The following NBPF15 variants were observed in gnomAD, a reference collection of about 807,000 sequenced individuals.
NBPF15 encodes the protein NBPF member 15.
Under a neutral mutation model 62.2 loss-of-function variants are expected in NBPF15, and 74 were observed. That is an observed-to-expected ratio of 1.19 (90% CI 0.99 to 1.44). NBPF15 has a LOEUF of 1.44. Ranked by LOEUF, NBPF15 falls within the 40% of genes most tolerant of loss-of-function variation. The probability of loss-of-function intolerance (pLI) is 0.00; values close to 1 mark genes in which losing one functional copy is unlikely to be tolerated. For missense variants in NBPF15, 790 were observed against 550.0 expected, an observed-to-expected ratio of 1.44 and a Z score of -4.36; for synonymous variants, 244 against 209.7, an observed-to-expected ratio of 1.16 and a Z score of -1.41.
intron 6 of NBPF15, chr1:144,440,499 C>T (rs1681971623): frequency 2.3e-6 from 1 of 430,490 alleles, no homozygotes; most frequent in Non-Finnish European, 4.1e-6. Flanking sequence ...TTTCCCAATA[C>T]ATCTAAGCAT....
In NBPF15 at chr1:144,423,018, G is replaced by T. The variant is rs782567293; in HGVS notation, c.2008C>A (p.Gln670Lys). Residue 670 changes from glutamine (Q) to lysine (K), a missense_variant, in exon 22 of 22, where the codon CAA becomes AAA. By Grantham distance (53) the Gln-to-Lys change is moderately conservative. Transcript: ENST00000581897. ...LVFQMGVIFPQ is the reference protein window; with the variant it reads ...LVFQMGVIFPK Reference sequence around the variant, plus strand: ...CTCGGCTTAGTAAGAGCTGCTTATTGTGGGAATATGACTCCCATCTGGAAC... The same window carrying T: ...CTCGGCTTAGTAAGAGCTGCTTATTTTGGGAATATGACTCCCATCTGGAAC... 6.2e-6 allele frequency: 10 copies of T among 1,611,626 alleles called. No homozygotes were observed. The East Asian group carries it at 1.8e-4, about 29-fold the overall frequency.
chr1:144,435,236 C>T lies in NBPF15; in HGVS notation c.647G>A (p.Gly216Asp), dbSNP rs1291894984. The part of the protein sequence containing the change: ...ECAITCSNSH[G>D]PYDSNQPHKK... ...ATGTGGCTGGTTGGAGTCATAAGGG[C>T]CATGGCTATTTGAACAAGTGATGGC... Residue 216 changes from glycine to aspartate, a missense_variant, in exon 12 of 22, where the codon GGC becomes GAC. Coordinates refer to ENST00000581897, the MANE Select transcript of NBPF15 (RefSeq NM_001385408.1). 15 of 1,612,736 alleles carry T rather than the reference C, an allele frequency of 9.3e-6. No individual in the cohort carries two copies. Among genetic ancestry groups the T allele is most frequent in the African/African-American group, 5.3e-5 (4 of 74,810 alleles).
chr1:144,442,317 T>TATATATATATACACGTGTATATA (rs1553542961), intron 6 of NBPF15, among the ~76,000 whole-genome samples: 1 of 128,246 alleles, frequency 7.8e-6, no homozygotes, highest in African/African-American at 3.1e-5. Flanking sequence ...CGTGTATATA[T>TATATATATATACACGTGTATATA]TATATATATA....
chr1:144,438,855 C>A (rs1435555952), intron 8 of NBPF15, among the ~76,000 whole-genome samples: 1 of 151,886 alleles, frequency 6.6e-6, no homozygotes, highest in Non-Finnish European at 1.5e-5. Flanking sequence ...CTGTACACTG[C>A]ACTGTTATCT....
At chr1:144,432,424 T>C (rs28780721) in intron 13 of NBPF15, among the ~76,000 whole-genome samples, 3 of 152,096 alleles carry the variant, frequency 2.0e-5, no homozygotes, top group Admixed American at 6.6e-5. Context: ...AACCAGCTAA[T>C]ATCATAATGA....
intron 1 of NBPF15, among the ~76,000 whole-genome samples, 190 bp downstream of exon 1, chr1:144,461,191 C>T (rs1279877324): frequency 1.3e-5 from 2 of 152,050 alleles, no homozygotes; most frequent in Non-Finnish European, 1.5e-5. Flanking sequence ...CGAGTTTCTT[C>T]CCCAGCGCCC....
intron 5 of NBPF15, among the ~76,000 whole-genome samples, chr1:144,449,475 GATAC>G (rs1246404766): frequency 1.3e-5 from 2 of 149,962 alleles, no homozygotes; most frequent in Non-Finnish European, 3.0e-5. Flanking sequence ...AATAAACTGT[GATAC>G]ATTCATTCCA....
intron 3 of NBPF15, among the ~76,000 whole-genome samples, chr1:144,458,349 A>C (rs587741349): frequency 6.6e-6 from 1 of 151,856 alleles, no homozygotes; most frequent in Admixed American, 6.6e-5. Context: ...ATAACATCTA[A>C]TTCAAGTCAC....
At chr1:144,441,603 C>T (rs1170447052) in intron 6 of NBPF15, among the ~76,000 whole-genome samples, 1 of 148,736 alleles carries the variant, frequency 6.7e-6, no homozygotes, top group Non-Finnish European at 1.5e-5. Flanking sequence ...AGTTGTTAAA[C>T]AACAACATAA....
At chr1:144,432,183 C>A (rs1224686648) in intron 13 of NBPF15, among the ~76,000 whole-genome samples, 1 of 151,996 alleles carries the variant, frequency 6.6e-6, no homozygotes, top group Admixed American at 6.6e-5. Flanking sequence ...GAATTTTCAA[C>A]CCAGAATTTC....
Position 144,423,184 on chromosome 1 carries a change from A to G in NBPF15, c.1842T>C (p.Thr614=), listed in dbSNP as rs782197550. Residue 614 remains threonine (T), a synonymous_variant, in exon 22 of 22, where the codon ACT becomes ACC. Coordinates refer to ENST00000581897, the MANE Select transcript of NBPF15 (RefSeq NM_001385408.1). ...LQDSLDRCYS[T]PSMYFEQPDS... The stretch of plus-strand genomic sequence containing the variant: ...CAGGTTGTTCAAAGTACATTGACGG[A>G]GTCGAATAACATCTATCCAGTGAGT... The G allele has an allele frequency of 2.5e-6, 4 of 1,611,598 alleles. No homozygotes were observed. The highest frequency in any genetic ancestry group is 2.2e-5 in the South Asian group (2 of 90,974).
intron 14 of NBPF15, among the ~76,000 whole-genome samples, chr1:144,429,474 T>C: frequency 6.6e-6 from 1 of 150,724 alleles, no homozygotes; most frequent in Non-Finnish European, 1.5e-5. Context: ...TCAGTCCAGG[T>C]TGGCACGGGC....
chr1:144,426,171 T>A, intron 18 of NBPF15, 107 bp downstream of exon 18: 1 of 651,606 alleles, frequency 1.5e-6, no homozygotes, highest in Non-Finnish European at 2.7e-6. Flanking sequence ...AGGTCCTGCC[T>A]GCGGCAATGA....
intron 19 of NBPF15, among the ~76,000 whole-genome samples, chr1:144,425,095 C>T (rs1471906176): frequency 6.8e-6 from 1 of 146,550 alleles, no homozygotes; most frequent in African/African-American, 2.6e-5. Context: ...CACACACACA[C>T]ACACACACAG....
At chr1:144,441,469 G>T (rs1682886207) in intron 6 of NBPF15, among the ~76,000 whole-genome samples, 1 of 148,946 alleles carries the variant, frequency 6.7e-6, no homozygotes, top group African/African-American at 2.5e-5. Context: ...TGATATACTG[G>T]GCTGTTTGTC....
chr1:144,455,028 A>G (rs1693515611), intron 4 of NBPF15, among the ~76,000 whole-genome samples: 1 of 151,300 alleles, frequency 6.6e-6, no homozygotes, highest in Non-Finnish European at 1.5e-5. Context: ...AGAGAGCATG[A>G]GAGACAAAGA....
At chr1:144,450,415 C>T (rs1465071541) in intron 5 of NBPF15, among the ~76,000 whole-genome samples, 1 of 151,956 alleles carries the variant, frequency 6.6e-6, no homozygotes. Context: ...TCCCCGCTGA[C>T]AGCCAGCACA....
At chr1:144,439,145 A>T (rs1281156589) in intron 8 of NBPF15, among the ~76,000 whole-genome samples, 2 of 151,594 alleles carry the variant, frequency 1.3e-5, no homozygotes, top group Non-Finnish European at 2.9e-5. Context: ...CACCACGCCC[A>T]TCTACTTTTT....
chr1:144,449,613 T>C (rs1232376113), intron 5 of NBPF15, among the ~76,000 whole-genome samples: 2 of 152,000 alleles, frequency 1.3e-5, no homozygotes, highest in Non-Finnish European at 1.5e-5. Flanking sequence ...AATAATGGTT[T>C]CAAGAAATGC....
Sources: gnomAD v4.1 joint callset for allele counts (sites outside exome capture counted in the v4.1 genomes callset) on GRCh38, gnomAD v4.1.1 for gene constraint, MANE v1.5 for transcripts, NCBI Gene and HGNC (gene_info 2026-07-23, HGNC 2026-07-21) for gene names.